GPRIN3: variants seen among roughly 807,000 people sequenced by gnomAD.
GPRIN3 encodes the protein GPRIN family member 3, also known as G protein-regulated inducer of neurite outgrowth 3.
A neutral mutation model predicts 13.7 loss-of-function variants in GPRIN3; 12 were observed. The observed-to-expected ratio is 0.87, with a 90% CI of 0.56 to 1.42. GPRIN3 has a LOEUF of 1.42. GPRIN3 is among the 40% of genes most tolerant of loss of function. GPRIN3 has a pLI of 0.00. For missense variants in GPRIN3, 1,009 were observed against 958.7 expected (o/e 1.05, Z -0.69); for synonymous variants, 377 against 372.7 (o/e 1.01, Z -0.13).
At chr4:89,264,969 A>G (rs1328087034) in intron 1 of GPRIN3, among the ~76,000 whole-genome samples, 2 of 152,226 alleles carry the variant, frequency 1.3e-5, no homozygotes, top group Non-Finnish European at 2.9e-5. Context: ...ATCAGGGAAC[A>G]GCCCATAATA....
Position 89,250,011 on chromosome 4 carries a change from G to C in GPRIN3, c.100C>G (p.Arg34Gly). The C allele has an allele frequency of 6.2e-7, 1 of 1,614,210 alleles. No individual in the cohort carries two copies. The highest frequency in any genetic ancestry group is 1.3e-5 in the African/African-American group (1 of 75,064). Residue 34 changes from arginine (R) to glycine (G), a missense_variant, in exon 2 of 2, where the codon CGG becomes GGG. Arg to Gly is a moderately radical substitution (Grantham distance 125). Coordinates refer to ENST00000609438, the MANE Select transcript of GPRIN3 (RefSeq NM_198281.3). ...TTACACAGGAGAGCTGGTCGATGCC[G>C]AGGTGAGGCAGCCTGTGGCTCTCCT... ...DLGEPQAASP[R>G]HRPALLCKNA...
intron 1 of GPRIN3, among the ~76,000 whole-genome samples, chr4:89,253,637 TCCA>T (rs1723389673): frequency 6.6e-6 from 1 of 152,244 alleles, no homozygotes; most frequent in Non-Finnish European, 1.5e-5. Flanking sequence ...TGTGTTTACT[TCCA>T]TTTCCAACAC....
chr4:89,259,838 G>A (rs1458243756), intron 1 of GPRIN3, among the ~76,000 whole-genome samples: 5 of 152,182 alleles, frequency 3.3e-5, no homozygotes, highest in South Asian at 2.1e-4. Context: ...AATAGGCTGA[G>A]AGCTTATTGG....
intron 1 of GPRIN3, among the ~76,000 whole-genome samples, chr4:89,295,465 C>T (rs1039194606): frequency 6.6e-6 from 1 of 152,156 alleles, no homozygotes; most frequent in African/African-American, 2.4e-5. Context: ...CCCACATTAC[C>T]TAGTCCATAA....
At chr4:89,254,329 A>C (rs908381487) in intron 1 of GPRIN3, among the ~76,000 whole-genome samples, 1 of 151,924 alleles carries the variant, frequency 6.6e-6, no homozygotes, top group African/African-American at 2.4e-5. Flanking sequence ...TTCATCACCC[A>C]GTTATTAAGC....
intron 1 of GPRIN3, among the ~76,000 whole-genome samples, chr4:89,291,694 G>T (rs1724576031): frequency 6.6e-6 from 1 of 152,050 alleles, no homozygotes; most frequent in African/African-American, 2.4e-5. Flanking sequence ...TGGTCATATG[G>T]TAAGTGAACA....
At chr4:89,293,088 T>C (rs1336923400) in intron 1 of GPRIN3, among the ~76,000 whole-genome samples, 1 of 152,208 alleles carries the variant, frequency 6.6e-6, no homozygotes, top group Non-Finnish European at 1.5e-5. Context: ...GTTCTAGTTG[T>C]GTATAGAAGA....
intron 1 of GPRIN3, among the ~76,000 whole-genome samples, chr4:89,261,584 C>A (rs1201211424): frequency 2.6e-5 from 4 of 152,124 alleles, no homozygotes; most frequent in Non-Finnish European, 4.4e-5. Context: ...CAATGTTTAT[C>A]AAAAATGCCA....
intron 1 of GPRIN3, among the ~76,000 whole-genome samples, chr4:89,267,988 A>G (rs1723828369): frequency 6.6e-6 from 1 of 152,206 alleles, no homozygotes; most frequent in South Asian, 2.1e-4. Context: ...TTGTAAAAGC[A>G]TAATACTGGG....
intron 1 of GPRIN3, among the ~76,000 whole-genome samples, chr4:89,286,089 G>GTATA (rs1724404374): frequency 9.3e-6 from 1 of 107,782 alleles, no homozygotes; most frequent in African/African-American, 3.9e-5. Context: ...GTATGTGTGT[G>GTATA]TGTATATATA....
intron 1 of GPRIN3, among the ~76,000 whole-genome samples, chr4:89,295,783 T>C (rs886656702): frequency 2.0e-5 from 3 of 152,186 alleles, no homozygotes; most frequent in Non-Finnish European, 4.4e-5. Context: ...TTTCAGGGAC[T>C]GTGACATTTG....
In GPRIN3 at chr4:89,248,059, G is replaced by A. The variant is rs151282830; in HGVS notation, c.2052C>T (p.Val684=). The A allele has an allele frequency of 1.5e-5, 25 of 1,613,952 alleles. 1 individual carries two copies. The highest frequency in any genetic ancestry group is 3.3e-4 in the Middle Eastern group (2 of 6,084). The change falls in exon 2 of 2, where the codon GTC becomes GTT. Residue 684 remains valine, a synonymous_variant. Coordinates refer to ENST00000609438, the MANE Select transcript of GPRIN3 (RefSeq NM_198281.3). Reference sequence around the variant, plus strand: ...AGGTCATTCCCTGCTCATCCCACACGACGTCCCTGACACGCTTGGACTGTT... The same window carrying A: ...AGGTCATTCCCTGCTCATCCCACACAACGTCCCTGACACGCTTGGACTGTT... ...QLKQSKRVRD[V]VWDEQGMTWE...
At chr4:89,293,926 G>A (rs1312475787) in intron 1 of GPRIN3, among the ~76,000 whole-genome samples, 1 of 152,062 alleles carries the variant, frequency 6.6e-6, no homozygotes, top group African/African-American at 2.4e-5. Flanking sequence ...ATATTCTTTA[G>A]TGCATGCCTT....
intron 1 of GPRIN3, among the ~76,000 whole-genome samples, chr4:89,301,583 C>T (rs761406862): frequency 6.6e-6 from 1 of 152,142 alleles, no homozygotes; most frequent in Non-Finnish European, 1.5e-5. Context: ...CCCATAGACA[C>T]AATATGCTTA....
intron 1 of GPRIN3, among the ~76,000 whole-genome samples, chr4:89,302,168 C>G (rs1266464334): frequency 2.0e-5 from 3 of 152,194 alleles, no homozygotes; most frequent in Admixed American, 2.0e-4. Context: ...ACTGAATTGA[C>G]TCTCAATTTT....
chr4:89,238,133 C>CACACAT lies in GPRIN3; in HGVS notation c.*9646_*9647insATGTGT, dbSNP rs1553947483. 1 of 151,790 alleles carries CACACAT rather than the reference C, an allele frequency of 6.6e-6. No individual in the cohort carries two copies. Among genetic ancestry groups the CACACAT allele is most frequent in the African/African-American group, 2.4e-5 (1 of 41,284 alleles). The allele number at this position is 151,790 out of a possible 1,614,324, so 9.4% of individuals were successfully genotyped here. On this transcript the variant is annotated 3_prime_UTR_variant, in exon 2 of 2. Transcript: ENST00000609438. ...GTGCATTTATACACACACACACACA[C>CACACAT]AGCAGCTGGAGGGAGAGTATGGCTC... is the stretch of plus-strand genomic sequence containing the variant.
At position 89,238,988 on chromosome 4, in the gene GPRIN3, T is replaced by C. The variant is rs1722853784; in HGVS notation, c.*8792A>G. ...ATCCATTCAAAAATCAAATCCAAAA[T>C]GAAGGTGTAAGTATACGTAATTCCA... On this transcript the variant is annotated 3_prime_UTR_variant, in exon 2 of 2. Coordinates refer to ENST00000609438, the MANE Select transcript of GPRIN3 (RefSeq NM_198281.3). 1 of 152,170 alleles carries C rather than the reference T, an allele frequency of 6.6e-6. No individual in the cohort carries two copies. The allele number at this position is 152,170 out of a possible 1,614,324, so 9.4% of individuals were successfully genotyped here. A position where few individuals can be genotyped will look rare whatever the true frequency, so the allele number is the denominator to read the frequency against.
At chr4:89,280,097 C>T (rs2163512) in intron 1 of GPRIN3, among the ~76,000 whole-genome samples, 4,740 of 152,168 alleles carry the variant, frequency 0.031, 251 homozygotes, top group African/African-American at 0.11. Flanking sequence ...AAGTCATTCT[C>T]GCCTCTCTCT....
chr4:89,247,871 C>T lies in GPRIN3; in HGVS notation c.2240G>A (p.Gly747Glu). ...SDTSSNKKLR[G>E]RQHSVFQSML... ...GGACTGGAAAACACTGTGCTGCCTT[C>T]CTCTGAGCTTCTTATTTGAAGAAGT... The change falls in exon 2 of 2, where the codon GGA becomes GAA. Residue 747 changes from glycine to glutamate, a missense_variant. Physicochemically the swap from Gly to Glu is moderately conservative, Grantham distance 98. Coordinates refer to ENST00000609438, the MANE Select transcript of GPRIN3 (RefSeq NM_198281.3). The T allele has an allele frequency of 6.2e-7, 1 of 1,614,168 alleles. No individual in the cohort carries two copies. Among genetic ancestry groups the T allele is most frequent in the Non-Finnish European group, 8.5e-7 (1 of 1,180,022 alleles).
Sources: allele counts gnomAD v4.1 joint callset (sites outside exome capture counted in the v4.1 genomes callset), GRCh38; gene constraint gnomAD v4.1.1; transcripts MANE v1.5; gene names NCBI Gene and HGNC (gene_info 2026-07-23, HGNC 2026-07-21).